MARK3: variants seen among roughly 807,000 people sequenced by gnomAD.
MARK3 encodes the protein MAP/microtubule affinity-regulating kinase 3.
In MARK3, 46 loss-of-function variants were observed where a neutral mutation model predicts 90.1. The ratio of observed to expected loss-of-function variants is 0.51; its 90% CI spans 0.40 to 0.65. MARK3 has a LOEUF of 0.65. Ranked by LOEUF, MARK3 falls within the 30% of genes least tolerant of loss-of-function variation. MARK3 has a pLI of 0.00. For synonymous variants in MARK3, 321 were observed against 332.6 expected, an observed-to-expected ratio of 0.97 and a Z score of 0.38; for missense variants, 818 against 947.2, an observed-to-expected ratio of 0.86 and a Z score of 1.79.
At chr14:103,401,118 C>T (rs752103275) in intron 1 of MARK3, among the ~76,000 whole-genome samples, 8 of 151,786 alleles carry the variant, frequency 5.3e-5, no homozygotes, top group Non-Finnish European at 1.2e-4. Context: ...GAATAGGGAA[C>T]TTTTTCTTAG....
chr14:103,494,137 GC>G (rs1349446963), intron 15 of MARK3, among the ~76,000 whole-genome samples: 1 of 151,512 alleles, frequency 6.6e-6, no homozygotes, highest in Non-Finnish European at 1.5e-5. Flanking sequence ...TGGAGGCTGA[GC>G]CAGGAGAATC....
intron 12 of MARK3, among the ~76,000 whole-genome samples, chr14:103,474,512 G>A (rs1418138471): frequency 1.3e-5 from 1 of 77,556 alleles, no homozygotes; most frequent in African/African-American, 5.8e-5. Flanking sequence ...CTCAAACTCC[G>A]GTTTATCTAG....
chr14:103,408,035 T>G (rs1322208315), intron 2 of MARK3, among the ~76,000 whole-genome samples: 1 of 152,190 alleles, frequency 6.6e-6, no homozygotes, highest in Admixed American at 6.5e-5. Context: ...CAATTTACAT[T>G]GTATTGGAAT....
At chr14:103,412,279 C>G in intron 2 of MARK3, 1 of 664,076 alleles carries the variant, frequency 1.5e-6, no homozygotes, top group South Asian at 1.8e-5. Flanking sequence ...CAGCCACAGC[C>G]AAACATAACA....
chr14:103,438,743 C>T (rs1213904663), intron 3 of MARK3, among the ~76,000 whole-genome samples: 3 of 151,600 alleles, frequency 2.0e-5, no homozygotes, highest in Non-Finnish European at 4.4e-5. Context: ...CCTGTAATCC[C>T]AGCACTTTGG....
At chr14:103,491,687 C>T (rs765383971) in intron 14 of MARK3, 90 bp from the exon 15 acceptor site, 24 of 1,419,018 alleles carry the variant, frequency 1.7e-5, no homozygotes, top group East Asian at 6.9e-5. Flanking sequence ...TTTTTATACC[C>T]GATTTTCTCC....
chr14:103,407,554 C>CTTTTTTTTTTTTTTTTTTTTT (rs71460673), intron 2 of MARK3, among the ~76,000 whole-genome samples: 1 of 71,660 alleles, frequency 1.4e-5, no homozygotes, highest in African/African-American at 5.8e-5. Flanking sequence ...TGTTTTGCCT[C>CTTTTTTTTTTTTTTTTTTTTT]TTTTTTTTTT....
intron 6 of MARK3, among the ~76,000 whole-genome samples, chr14:103,460,373 C>A (rs569829845): frequency 1.1e-4 from 17 of 152,006 alleles, no homozygotes; most frequent in Non-Finnish European, 2.2e-4. Context: ...GCGTGAGCCA[C>A]GCGCCCGGCA....
intron 7 of MARK3, among the ~76,000 whole-genome samples, chr14:103,464,961 C>T (rs543931617): frequency 6.6e-6 from 1 of 151,218 alleles, no homozygotes; most frequent in African/African-American, 2.4e-5. Context: ...GGCCCTGCCC[C>T]ATATTATTCT....
intron 3 of MARK3, among the ~76,000 whole-genome samples, chr14:103,438,402 G>A (rs2092768295): frequency 6.6e-6 from 1 of 152,188 alleles, no homozygotes; most frequent in African/African-American, 2.4e-5. Flanking sequence ...GACTGAACTA[G>A]CCTTAGAACC....
intron 14 of MARK3, among the ~76,000 whole-genome samples, chr14:103,484,766 AATT>A (rs61241089): frequency 0.97 from 146,886 of 151,934 alleles, 71,194 homozygotes; most frequent in Non-Finnish European, 1. Context: ...CCCTGTCTAA[AATT>A]AATTAGCTGG....
At position 103,409,336 on chromosome 14, in the gene MARK3, C is replaced by G. The variant is rs185244043; in HGVS notation, c.243+4069C>G. Among the ~76,000 whole-genome samples the G allele has an allele frequency of 2.2e-3, 324 of 147,506 alleles. 1 individual carries two copies. The highest frequency in any genetic ancestry group is 7.1e-3 in the African/African-American group (282 of 39,816). ...GGGAGGGATAGCATTAGGAGAAACA[C>G]CTAATGTAGCTGATGGGTCGATGGG... On this transcript the variant is annotated intron_variant, in intron 2 of 17. Coordinates refer to ENST00000429436, the MANE Select transcript of MARK3 (RefSeq NM_001128918.3).
intron 13 of MARK3, among the ~76,000 whole-genome samples, chr14:103,475,805 C>T (rs529013288): frequency 2.6e-5 from 4 of 152,134 alleles, no homozygotes; most frequent in East Asian, 3.9e-4. Flanking sequence ...ATTAGCTGGG[C>T]GTGGTGGCAG....
At chr14:103,473,000 C>G (rs1048396587) in intron 12 of MARK3, among the ~76,000 whole-genome samples, 15 of 145,398 alleles carry the variant, frequency 1.0e-4, no homozygotes, top group African/African-American at 3.7e-4. Context: ...GAGCGAGACT[C>G]CGTCTCGAAA....
At chr14:103,497,135 A>G (rs2075396033) in intron 15 of MARK3, among the ~76,000 whole-genome samples, 1 of 152,210 alleles carries the variant, frequency 6.6e-6, no homozygotes. Flanking sequence ...ATTTTGGATA[A>G]TACTGCCTTA....
At chr14:103,500,324 A>C in intron 17 of MARK3, 124 bp downstream of exon 17, 1 of 719,816 alleles carries the variant, frequency 1.4e-6, no homozygotes, top group Non-Finnish European at 2.2e-6. Context: ...TTACGTAGAG[A>C]GGGTGGCCAC....
intron 2 of MARK3, among the ~76,000 whole-genome samples, chr14:103,414,203 T>G (rs1043516818): frequency 1.6e-5 from 2 of 128,552 alleles, no homozygotes; most frequent in Admixed American, 7.8e-5. Context: ...TTTTCTTTTC[T>G]TTCTTTTTTT....
chr14:103,475,172 G>T lies in MARK3; in HGVS notation c.1444G>T (p.Asp482Tyr), dbSNP rs2093693459. The T allele has an allele frequency of 5.0e-6, 8 of 1,613,856 alleles. No individual in the cohort carries two copies. In the East Asian group the frequency reaches 1.8e-4, roughly 36 times the overall value. ...GAATGCAAGTAATCCTAATAAGGCG[G>T]ATATTCCTGAACGCAAGAAAAGCTC... ...LGNASNPNKA[D>Y]IPERKKSSTV... is the part of the protein sequence containing the mutation. Residue 482 changes from aspartate to tyrosine, a missense_variant, in exon 13 of 18, where the codon GAT (aspartate) becomes TAT (tyrosine). Physicochemically the swap from Asp to Tyr is radical, Grantham distance 160 (BLOSUM62 -3). Around this residue, in one of 3 missense-constraint regions of MARK3, gnomAD observed 560 missense variants for 613.5 expected, o/e 0.91. Coordinates refer to ENST00000429436, the MANE Select transcript of MARK3 (RefSeq NM_001128918.3).
Position 103,385,873 on chromosome 14 carries a change from A to C in MARK3, c.-157A>C. The C allele has an allele frequency of 6.2e-4, 345 of 557,346 alleles. No homozygotes were observed. Among genetic ancestry groups the C allele is most frequent in the East Asian group, 6.8e-4 (21 of 30,884 alleles). The allele number at this position is 557,346 out of a possible 1,614,324, so 34.5% of individuals were successfully genotyped here. On this transcript the variant is annotated 5_prime_UTR_variant, in exon 1 of 18. Transcript: ENST00000429436. ...GACCCGCCGGGGGACGGCCCGGGCCAGGCCCGGGATCTAGACGGCCGTAGG... is the reference window on the plus strand; with the variant it reads ...GACCCGCCGGGGGACGGCCCGGGCCCGGCCCGGGATCTAGACGGCCGTAGG...
Sources: gnomAD v4.1 joint callset for allele counts (sites outside exome capture counted in the v4.1 genomes callset) on GRCh38, gnomAD v4.1.1 for gene constraint, gnomAD v4.1.1 regional missense constraint, MANE v1.5 for transcripts, NCBI Gene and HGNC (gene_info 2026-07-23, HGNC 2026-07-21) for gene names.